Variants in OGDHL observed in about 807,000 individuals in gnomAD.
OGDHL encodes 2-oxoglutarate dehydrogenase-like, mitochondrial.
In OGDHL, 79 loss-of-function variants were observed where a neutral mutation model predicts 109.6. That is an observed-to-expected ratio of 0.72 (90% confidence interval 0.60 to 0.87). The LOEUF (loss-of-function observed/expected upper bound fraction) is 0.87. OGDHL is among the 40% of genes least tolerant of loss of function. The probability of loss-of-function intolerance (pLI) is 0.00; values close to 1 mark genes in which losing one functional copy is unlikely to be tolerated. For missense variants in OGDHL, 1,275 were observed against 1,362.2 expected (o/e 0.94, Z 1.01); for synonymous variants, 528 against 537.2 (o/e 0.98, Z 0.24).
intron 20 of OGDHL, among the ~76,000 whole-genome samples, chr10:49,737,341 T>C (rs1256298486): frequency 6.6e-6 from 1 of 152,120 alleles, no homozygotes; most frequent in Admixed American, 6.5e-5. Flanking sequence ...TCCCTGGACA[T>C]AGTCACCTCT....
intron 4 of OGDHL, 114 bp from the exon 5 acceptor site, chr10:49,752,362 C>T: frequency 2.4e-6 from 2 of 819,652 alleles, no homozygotes. Context: ...TGCCCTCCCT[C>T]TGGGTCCAAC....
intron 2 of OGDHL, among the ~76,000 whole-genome samples, chr10:49,758,150 G>A (rs1390033372): frequency 6.6e-6 from 1 of 152,236 alleles, no homozygotes; most frequent in East Asian, 1.9e-4. Context: ...AGGGGGCACG[G>A]CAGGGCTCAG....
In OGDHL at chr10:49,746,762, G is replaced by A. The variant is rs371069433; in HGVS notation, c.1284C>T (p.Val428=). The change falls in exon 10 of 23, where the codon GTC becomes GTT. Residue 428 remains valine (V), a synonymous_variant. Coordinates refer to ENST00000374103, the MANE Select transcript of OGDHL (RefSeq NM_018245.3). ...SYTTNGTVHV[V]VNNQIGFTTD... is the part of the protein sequence containing the mutation. ...CCTACATGCTCACCTGGTTGTTGAC[G>A]ACGACGTGCACGGTACCATTGGTCG... The A allele has an allele frequency of 4.3e-5, 69 of 1,614,038 alleles. No homozygotes were observed. The highest frequency in any genetic ancestry group is 5.6e-5 in the Non-Finnish European group (66 of 1,180,008).
At chr10:49,750,543 A>AG (rs1842514775) in intron 7 of OGDHL, among the ~76,000 whole-genome samples, 1 of 152,158 alleles carries the variant, frequency 6.6e-6, no homozygotes, top group Non-Finnish European at 1.5e-5. Flanking sequence ...AGGAACCTCA[A>AG]GAAGTATAGT....
intron 20 of OGDHL, among the ~76,000 whole-genome samples, chr10:49,737,550 T>C (rs892560616): frequency 3.3e-5 from 5 of 151,848 alleles, no homozygotes; most frequent in South Asian, 2.1e-4. Flanking sequence ...CCTGCTAGGG[T>C]CTAAGGGGGC....
At chr10:49,739,877 C>T (rs1841517280) in intron 16 of OGDHL, 38 bp from the exon 17 acceptor site, 1 of 1,581,032 alleles carries the variant, frequency 6.3e-7, no homozygotes, top group Admixed American at 1.8e-5. Context: ...TGCACACAGT[C>T]ACCAAGTGGC....
rs1308485822 is a variant in OGDHL, at chr10:49,739,759, C to A, written c.2221G>T (p.Ala741Ser). 1.2e-6 allele frequency: 2 copies of A among 1,614,018 alleles called. No individual in the cohort carries two copies. The highest frequency in any genetic ancestry group is 1.3e-5 in the African/African-American group (1 of 74,940). ...ATGAACTGGTCGATGATGCACTGGG[C>A]CGTGTTGTGGAAGTCCCCAAACTGG... ...EAQFGDFHNT[A>S]QCIIDQFIST... The change falls in exon 17 of 23, where the codon GCC becomes TCC. Residue 741 changes from alanine to serine, a missense_variant. Transcript: ENST00000374103.
rs774400191 is a variant in OGDHL at position 49,736,531 on chromosome 10, A to T, written c.2591-11T>A. 6.2e-7 allele frequency: 1 copy of T among 1,612,376 alleles called. No individual in the cohort carries two copies. The highest frequency in any genetic ancestry group is 8.5e-7 in the Non-Finnish European group (1 of 1,179,732). On this transcript the variant is annotated splice_polypyrimidine_tract_variant and intron_variant, in intron 20 of 22. Transcript: ENST00000374103. ...GCTGGAAGCTGGTCCCTGAGGGACC[A>T]ACAGGACATGGCAGAGGCGTTGGTA... is the stretch of plus-strand genomic sequence containing the variant.
chr10:49,736,800 A>C (rs1416721962), intron 20 of OGDHL, among the ~76,000 whole-genome samples: 4 of 152,138 alleles, frequency 2.6e-5, no homozygotes, highest in Non-Finnish European at 5.9e-5. Flanking sequence ...AGCGCCCTGA[A>C]GGAGACAGAG....
intron 14 of OGDHL, chr10:49,743,558 T>C (rs1375634701): frequency 5.9e-6 from 1 of 168,752 alleles, no homozygotes; most frequent in Non-Finnish European, 1.3e-5. Context: ...CATTCTAGTC[T>C]CACCCCGGAG....
intron 17 of OGDHL, 73 bp downstream of exon 17, chr10:49,739,588 G>A (rs1390495251): frequency 1.3e-6 from 2 of 1,541,720 alleles, no homozygotes; most frequent in Admixed American, 3.7e-5. Context: ...CCGACAAGGG[G>A]CCCAGGGTCC....
chr10:49,760,453 G>A (rs751807014), intron 1 of OGDHL, among the ~76,000 whole-genome samples: 1 of 152,222 alleles, frequency 6.6e-6, no homozygotes, highest in South Asian at 2.1e-4. Flanking sequence ...AGAGAAGGTC[G>A]TGCCAGCCCA....
intron 22 of OGDHL, among the ~76,000 whole-genome samples, 159 bp downstream of exon 22, chr10:49,735,864 T>C (rs1841119773): frequency 6.6e-6 from 1 of 152,230 alleles, no homozygotes; most frequent in Non-Finnish European, 1.5e-5. Flanking sequence ...CAGTTCTGGC[T>C]GCAGAACAAA....
intron 4 of OGDHL, among the ~76,000 whole-genome samples, 193 bp from the exon 5 acceptor site, chr10:49,752,441 G>T (rs1403956314): frequency 6.6e-6 from 1 of 152,154 alleles, no homozygotes; most frequent in African/African-American, 2.4e-5. Flanking sequence ...TGAACACATG[G>T]GGCACAAGCT....
intron 9 of OGDHL, 47 bp from the exon 10 acceptor site, chr10:49,746,925 G>A: frequency 6.2e-7 from 1 of 1,613,074 alleles, no homozygotes; most frequent in Non-Finnish European, 8.5e-7. Flanking sequence ...CCCAGCCCAT[G>A]TAGCCCAGCC....
In OGDHL at chr10:49,745,426, T is replaced by C; in HGVS notation, c.1547A>G (p.Gln516Arg). 1 of 1,614,166 alleles carries C rather than the reference T, an allele frequency of 6.2e-7. No individual in the cohort carries two copies. Among genetic ancestry groups the C allele is most frequent in the Non-Finnish European group, 8.5e-7 (1 of 1,180,036 alleles). Residue 516 changes from glutamine (Q) to arginine (R), a missense_variant, in exon 12 of 23, where the codon CAG becomes CGG. Coordinates refer to ENST00000374103, the MANE Select transcript of OGDHL (RefSeq NM_018245.3). Reference sequence around the variant, plus strand: ...CAGCACAGGCACCTGTCTGTGGATCTGCTTGTACATGAGCGGCTGGGTGAA... The same window carrying C: ...CAGCACAGGCACCTGTCTGTGGATCCGCTTGTACATGAGCGGCTGGGTGAA... ...PMFTQPLMYK[Q>R]IHRQVPVLKK...
rs371911250 is a variant in OGDHL at position 49,744,048 on chromosome 10, G to A, written c.1807C>T (p.His603Tyr). ...ATGIPEDMLT[H>Y]IGSVASSVPL... ...ACAGAGCTGGCCACACTGCCGATGT[G>A]GGTGAGCATGTCCTCAGGGATCCCC... is the stretch of plus-strand genomic sequence containing the variant. The change falls in exon 14 of 23, where the codon CAC (histidine) becomes TAC (tyrosine). Residue 603 changes from histidine (H) to tyrosine (Y), a missense_variant. Coordinates refer to ENST00000374103, the MANE Select transcript of OGDHL (RefSeq NM_018245.3). 1.1e-5 allele frequency: 18 copies of A among 1,614,014 alleles called. No homozygotes were observed. The highest frequency in any genetic ancestry group is 3.3e-4 in the Middle Eastern group (2 of 6,082).
At chr10:49,762,039 C>T (rs903946071) in intron 1 of OGDHL, among the ~76,000 whole-genome samples, 200 bp downstream of exon 1, 4 of 152,184 alleles carry the variant, frequency 2.6e-5, no homozygotes, top group African/African-American at 9.6e-5. Context: ...GCTGGGGGTC[C>T]CGGGGGAGGC....
In OGDHL at chr10:49,738,189, A is replaced by C; in HGVS notation, c.2391+2T>G. On this transcript the variant is annotated splice_donor_variant, in intron 18 of 22. Transcript: ENST00000374103. LOFTEE classifies it high-confidence loss of function. ...TGTCCTGGGGACAGCAGCAACACTCACAGGGTAGGCATCCGAGTCATCATT... is the reference window on the plus strand; with the variant it reads ...TGTCCTGGGGACAGCAGCAACACTCCCAGGGTAGGCATCCGAGTCATCATT... 1 of 1,614,110 alleles carries C rather than the reference A, an allele frequency of 6.2e-7. No individual in the cohort carries two copies.
Sources: allele counts gnomAD v4.1 joint callset (sites outside exome capture counted in the v4.1 genomes callset), GRCh38; gene constraint gnomAD v4.1.1; transcripts MANE v1.5; gene names NCBI Gene and HGNC (gene_info 2026-07-23, HGNC 2026-07-21).